The following NEDD4L variants were observed in gnomAD, a reference collection of about 807,000 sequenced individuals.
NEDD4L encodes the protein E3 ubiquitin-protein ligase NEDD4-like.
A neutral mutation model predicts 148.9 loss-of-function variants in NEDD4L; 54 were observed. That is an observed-to-expected ratio of 0.36 (90% CI 0.29 to 0.45). The LOEUF (loss-of-function observed/expected upper bound fraction) is 0.45. Ranked by LOEUF, NEDD4L falls within the 20% of genes least tolerant of loss-of-function variation. NEDD4L has a pLI of 1.00. For missense variants in NEDD4L, 856 were observed against 1,233.8 expected (o/e 0.69, Z 4.59); for synonymous variants, 433 against 440.7 (o/e 0.98, Z 0.22).
At chr18:58,089,954 C>G (rs1245566161) in intron 1 of NEDD4L, among the ~76,000 whole-genome samples, 1 of 152,034 alleles carries the variant, frequency 6.6e-6, no homozygotes, top group Non-Finnish European at 1.5e-5. Context: ...ACTCTCCTGC[C>G]TCAGCCTCCT....
At chr18:58,315,042 T>C (rs2058108536) in intron 5 of NEDD4L, among the ~76,000 whole-genome samples, 1 of 152,214 alleles carries the variant, frequency 6.6e-6, no homozygotes, top group African/African-American at 2.4e-5. Flanking sequence ...CCTTCTTAGG[T>C]GGCTCAAGCT....
chr18:58,271,777 C>T (rs545274751), intron 5 of NEDD4L, among the ~76,000 whole-genome samples: 2 of 152,258 alleles, frequency 1.3e-5, no homozygotes, highest in South Asian at 2.1e-4. Flanking sequence ...AGTAGTTTTT[C>T]CTTAGCTGGT....
At chr18:58,369,455 C>T (rs982018320) in intron 22 of NEDD4L, among the ~76,000 whole-genome samples, 10 of 46,382 alleles carry the variant, frequency 2.2e-4, no homozygotes, top group African/African-American at 7.9e-4. Context: ...CGGCAGGGCT[C>T]ATTCTGCACA....
At chr18:58,069,728 A>G (rs560829306) in intron 1 of NEDD4L, among the ~76,000 whole-genome samples, 1 of 152,336 alleles carries the variant, frequency 6.6e-6, no homozygotes, top group African/African-American at 2.4e-5. Context: ...ACATCTGAAA[A>G]TCTACTTCAT....
At chr18:58,334,499 G>A (rs1187650244) in intron 12 of NEDD4L, among the ~76,000 whole-genome samples, 3 of 152,212 alleles carry the variant, frequency 2.0e-5, no homozygotes, top group Non-Finnish European at 4.4e-5. Context: ...GACTAGAACT[G>A]CCCTGAGAGA....
intron 1 of NEDD4L, among the ~76,000 whole-genome samples, chr18:58,131,556 T>A (rs1417762066): frequency 7.3e-6 from 1 of 137,638 alleles, no homozygotes; most frequent in Non-Finnish European, 1.6e-5. Context: ...CTGTGGCGGT[T>A]TTGGGCTCTG....
chr18:58,366,209 C>G lies in NEDD4L; in HGVS notation c.2044C>G (p.Leu682Val). The G allele has an allele frequency of 6.2e-7, 1 of 1,608,738 alleles. No homozygotes were observed. The highest frequency in any genetic ancestry group is 8.5e-7 in the Non-Finnish European group (1 of 1,176,964). Residue 682 changes from leucine (L) to valine (V), a missense_variant, in exon 21 of 31, where the codon CTC becomes GTC. Coordinates refer to ENST00000400345, the MANE Select transcript of NEDD4L (RefSeq NM_001144967.3). The surrounding 1 kb of genome is among the most constrained non-coding windows in gnomAD (Gnocchi z 4.2). Reference protein sequence around the residue: ...SKEMFNPYYGLFEYSATDNYT... With the variant: ...SKEMFNPYYGVFEYSATDNYT... ...AGAGATGTTCAACCCCTACTACGGC[C>G]TCTTTGAGTACTCTGCCACGTAAGT...
intron 5 of NEDD4L, among the ~76,000 whole-genome samples, chr18:58,296,709 G>C (rs2055639627): frequency 6.6e-6 from 1 of 152,146 alleles, no homozygotes; most frequent in Non-Finnish European, 1.5e-5. Context: ...ATCACCTGAG[G>C]TCAGGAGTTT....
At chr18:58,314,023 A>G (rs1223558726) in intron 5 of NEDD4L, among the ~76,000 whole-genome samples, 1 of 152,236 alleles carries the variant, frequency 6.6e-6, no homozygotes, top group Non-Finnish European at 1.5e-5. Context: ...AAGTGGCCAC[A>G]CTACTCTGCT....
chr18:58,218,361 T>G (rs1164626591), intron 2 of NEDD4L, among the ~76,000 whole-genome samples: 1 of 152,222 alleles, frequency 6.6e-6, no homozygotes, highest in East Asian at 1.9e-4. Context: ...TGCTTACATT[T>G]AAGTGTAAGC....
chr18:58,201,781 A>G (rs139261554), intron 2 of NEDD4L, among the ~76,000 whole-genome samples: 92 of 152,330 alleles, frequency 6.0e-4, no homozygotes, highest in South Asian at 2.9e-3. Context: ...TCTTACTCAT[A>G]AAGCAGCACA....
Position 58,044,512 on chromosome 18 carries a change from C to G in NEDD4L, c.-149C>G. Reference sequence around the variant, plus strand: ...CAGGGCGCGCTCTCGGGCACCCTCACCTGCCGGCGCCCGGCCGCTTACCCG... The same window carrying G: ...CAGGGCGCGCTCTCGGGCACCCTCAGCTGCCGGCGCCCGGCCGCTTACCCG... On this transcript the variant is annotated 5_prime_UTR_variant, in exon 1 of 31. Coordinates refer to ENST00000400345, the MANE Select transcript of NEDD4L (RefSeq NM_001144967.3). 1.8e-6 allele frequency: 2 copies of G among 1,139,642 alleles called. No homozygotes were observed. Among genetic ancestry groups the G allele is most frequent in the Non-Finnish European group, 2.2e-6 (2 of 893,030 alleles). The allele number at this position is 1,139,642 out of a possible 1,614,324, so 70.6% of individuals were successfully genotyped here.
intron 2 of NEDD4L, among the ~76,000 whole-genome samples, chr18:58,199,125 G>C (rs747373789): frequency 3.9e-5 from 6 of 152,108 alleles, no homozygotes; most frequent in Non-Finnish European, 8.8e-5. Context: ...TATTTTCTAA[G>C]ACAAATACTC....
chr18:58,363,125 A>G (rs2045689446), intron 19 of NEDD4L, among the ~76,000 whole-genome samples: 1 of 152,212 alleles, frequency 6.6e-6, no homozygotes, highest in Admixed American at 6.5e-5. Flanking sequence ...ATTACAGAGC[A>G]AAACACTGAC....
chr18:58,302,095 C>G (rs1354675770), intron 5 of NEDD4L, among the ~76,000 whole-genome samples: 1 of 152,126 alleles, frequency 6.6e-6, no homozygotes, highest in Non-Finnish European at 1.5e-5. Flanking sequence ...CTTTTGTCGT[C>G]TAGCCTGAGG....
intron 18 of NEDD4L, among the ~76,000 whole-genome samples, chr18:58,355,894 A>T (rs2044556329): frequency 6.6e-6 from 1 of 151,948 alleles, no homozygotes; most frequent in Non-Finnish European, 1.5e-5. Context: ...AACAGAATTC[A>T]CTAATTATTC....
intron 30 of NEDD4L, among the ~76,000 whole-genome samples, chr18:58,393,090 CT>C (rs907765635): frequency 2.0e-5 from 3 of 152,216 alleles, no homozygotes; most frequent in Non-Finnish European, 4.4e-5. Context: ...TACCCACTTT[CT>C]TTTTAGACTT....
At position 58,044,471 on chromosome 18, in the gene NEDD4L, C is replaced by T. The variant is rs546323197; in HGVS notation, c.-190C>T. The T allele has an allele frequency of 1.6e-6, 1 of 628,174 alleles. No homozygotes were observed. The highest frequency in any genetic ancestry group is 2.3e-6 in the Non-Finnish European group (1 of 442,752). 38.9% of individuals were successfully genotyped at this position (628,174 alleles called of 1,614,324 possible). A position where few individuals can be genotyped will look rare whatever the true frequency, so the allele number is the denominator to read the frequency against. ...GGTCCCGCAGCCTTCCGGGAGGAAG[C>T]GGTGCCGGCAGCGTCCAGGGCGCGC... On this transcript the variant is annotated 5_prime_UTR_variant, in exon 1 of 31. Coordinates refer to ENST00000400345, the MANE Select transcript of NEDD4L (RefSeq NM_001144967.3).
At chr18:58,094,234 G>A (rs1173222695) in intron 1 of NEDD4L, among the ~76,000 whole-genome samples, 3 of 151,210 alleles carry the variant, frequency 2.0e-5, no homozygotes, top group African/African-American at 7.3e-5. Flanking sequence ...GCCCAGGCTG[G>A]AGTGTGGTGG....
Sources: gnomAD v4.1 joint callset for allele counts (sites outside exome capture counted in the v4.1 genomes callset) on GRCh38, gnomAD v4.1.1 for gene constraint, Gnocchi (gnomAD v3.1) non-coding constraint, MANE v1.5 for transcripts, NCBI Gene and HGNC (gene_info 2026-07-23, HGNC 2026-07-21) for gene names.